Variants in UNC13C observed in about 807,000 individuals in gnomAD.
UNC13C encodes the protein unc-13 homolog C.
In UNC13C, 174 loss-of-function variants were observed where a neutral mutation model predicts 245.4. That is an observed-to-expected ratio of 0.71 (90% CI 0.63 to 0.80). The LOEUF (loss-of-function observed/expected upper bound fraction) is 0.80, where lower values mean the gene tolerates loss of function less well. Among genes scored for constraint, UNC13C ranks in the 30% least tolerant of loss-of-function variants. The pLI, the probability that UNC13C is intolerant of heterozygous loss-of-function variation, is 0.00. For synonymous variants in UNC13C, 992 were observed against 895.1 expected (o/e 1.11, Z -1.93); for missense variants, 2,829 against 2,602.9 (o/e 1.09, Z -1.89).
At chr15:54,312,903 TA>T (rs2140965853) in intron 13 of UNC13C, among the ~76,000 whole-genome samples, 1 of 151,954 alleles carries the variant, frequency 6.6e-6, no homozygotes, top group South Asian at 2.1e-4. Context: ...GCCAGCTGCC[TA>T]AAGTTAGAAA....
At chr15:53,943,255 A>G in the UNC13C span, among the ~76,000 whole-genome samples, 1 of 152,124 alleles carries the variant, frequency 6.6e-6, no homozygotes, top group Admixed American at 6.6e-5. Context: ...TGAACATGCA[A>G]TTCTATTTTA....
Position 54,533,009 on chromosome 15 carries a change from G to C in UNC13C, c.5639G>C (p.Ser1880Thr). 1.2e-6 allele frequency: 2 copies of C among 1,600,962 alleles called. No homozygotes were observed. Among genetic ancestry groups the C allele is most frequent in the Non-Finnish European group, 1.7e-6 (2 of 1,173,088 alleles). Reference sequence around the variant, plus strand: ...GGAAACACCACATCTAATAAGAACAGTGCAGCAATGGATGCAGAGATTGTG... The same window carrying C: ...GGAAACACCACATCTAATAAGAACACTGCAGCAATGGATGCAGAGATTGTG... ...ANGNTTSNKN[S>T]AAMDAEIVLR... The change falls in exon 26 of 33, where the codon AGT becomes ACT. Residue 1880 changes from serine to threonine, a missense_variant. Physicochemically the swap from Ser to Thr is moderately conservative, Grantham distance 58. Coordinates refer to ENST00000260323, the MANE Select transcript of UNC13C (RefSeq NM_001080534.3).
At chr15:54,128,166 T>C (rs192163789) in intron 2 of UNC13C, among the ~76,000 whole-genome samples, 205 of 152,130 alleles carry the variant, frequency 1.3e-3, no homozygotes, top group African/African-American at 4.7e-3. Context: ...CCATTTACAA[T>C]AGCCACAAAG....
At chr15:54,155,575 A>G (rs1169845139) in intron 4 of UNC13C, among the ~76,000 whole-genome samples, 3 of 35,306 alleles carry the variant, frequency 8.5e-5, no homozygotes, top group African/African-American at 2.6e-4. Context: ...ATCATTTCTT[A>G]TATTTACTTC....
intron 8 of UNC13C, among the ~76,000 whole-genome samples, chr15:54,250,749 C>CTTTTTTTTTTTTTTT (rs1296024773): frequency 2.3e-5 from 2 of 88,868 alleles, no homozygotes; most frequent in Non-Finnish European, 4.5e-5. Context: ...TTCTTTCTTT[C>CTTTTTTTTTTTTTTT]TTTTTTTTTT....
intron 24 of UNC13C, among the ~76,000 whole-genome samples, chr15:54,514,275 A>G (rs750908211): frequency 6.6e-5 from 10 of 152,224 alleles, no homozygotes; most frequent in Admixed American, 5.2e-4. Context: ...AACACTTGAT[A>G]CAGACATGTT....
At chr15:54,028,827 A>G (rs1016761289) in intron 2 of UNC13C, among the ~76,000 whole-genome samples, 5 of 151,258 alleles carry the variant, frequency 3.3e-5, no homozygotes, top group African/African-American at 1.2e-4. Context: ...AGTAGCTGGG[A>G]CTACAGGCGC....
the UNC13C span, among the ~76,000 whole-genome samples, chr15:53,963,510 A>T: frequency 6.6e-6 from 1 of 152,176 alleles, no homozygotes; most frequent in Admixed American, 6.5e-5. Flanking sequence ...TGTTGTTGAG[A>T]TACCCATATG....
chr15:54,135,784 C>CT (rs1249894863), intron 2 of UNC13C, among the ~76,000 whole-genome samples: 2 of 151,970 alleles, frequency 1.3e-5, no homozygotes, highest in Admixed American at 6.6e-5. Context: ...CTATTCAGGG[C>CT]TTTTTTATGA....
chr15:54,256,295 A>G (rs1190210330), intron 8 of UNC13C, among the ~76,000 whole-genome samples: 1 of 152,198 alleles, frequency 6.6e-6, no homozygotes, highest in African/African-American at 2.4e-5. Context: ...GCTAGAAAAC[A>G]GAGGTGTACT....
At chr15:54,321,060 G>T (rs77215967) in intron 13 of UNC13C, 12,841 of 473,752 alleles carry the variant, frequency 0.027, 317 homozygotes, top group Admixed American at 0.088. Context: ...CCCCGAAACC[G>T]CCTCCATGGC....
intron 10 of UNC13C, among the ~76,000 whole-genome samples, chr15:54,284,557 G>A (rs2037091201): frequency 6.6e-6 from 1 of 152,084 alleles, no homozygotes; most frequent in Admixed American, 6.5e-5. Context: ...CAGGGTTTGA[G>A]CTGGGAAAAT....
Position 54,202,843 on chromosome 15 carries a change from G to A in UNC13C, c.3072-32187G>A, listed in dbSNP as rs150031069. On this transcript the variant is annotated intron_variant, in intron 4 of 32. Coordinates refer to ENST00000260323, the MANE Select transcript of UNC13C (RefSeq NM_001080534.3). Reference sequence around the variant, plus strand: ...GGACTTAATTAAACTAAAAAGCATCGGCACAGCAAAAGAAATAAACAGCAG... The same window carrying A: ...GGACTTAATTAAACTAAAAAGCATCAGCACAGCAAAAGAAATAAACAGCAG... Among the ~76,000 whole-genome samples the A allele has an allele frequency of 3.2e-3, 481 of 151,698 alleles. 4 individuals are homozygous for A. Among genetic ancestry groups the A allele is most frequent in the African/African-American group, 0.011 (459 of 41,448 alleles).
At chr15:53,854,327 G>T in the UNC13C span, among the ~76,000 whole-genome samples, 1 of 151,594 alleles carries the variant, frequency 6.6e-6, no homozygotes, top group Non-Finnish European at 1.5e-5. Flanking sequence ...CACCATGTTG[G>T]TCAGGCTTGT....
chr15:54,507,196 TA>T lies in UNC13C; in HGVS notation c.5379+4del. On this transcript the variant is annotated splice_donor_region_variant and intron_variant, in intron 23 of 32. Coordinates refer to ENST00000260323, the MANE Select transcript of UNC13C (RefSeq NM_001080534.3). ...TCACATTGTGATAAGGAAAATGTGG[TA>T]AGTAAAAAATGTCTCTACTTTCAAG... is the stretch of plus-strand genomic sequence containing the variant. 6.4e-7 allele frequency: 1 copy of T among 1,574,490 alleles called. No homozygotes were observed. Among genetic ancestry groups the T allele is most frequent in the Admixed American group, 1.8e-5 (1 of 55,462 alleles).
chr15:54,464,281 A>G (rs1475549935), intron 19 of UNC13C, among the ~76,000 whole-genome samples: 1 of 152,146 alleles, frequency 6.6e-6, no homozygotes, highest in African/African-American at 2.4e-5. Context: ...TCCATTCATG[A>G]ACTTTGTCAG....
intron 2 of UNC13C, among the ~76,000 whole-genome samples, chr15:54,118,088 T>C (rs2141188283): frequency 6.6e-6 from 1 of 152,224 alleles, no homozygotes; most frequent in South Asian, 2.1e-4. Flanking sequence ...ATGTGATGCT[T>C]CAGCTTTTTC....
At chr15:54,616,212 C>T (rs971556712) in intron 30 of UNC13C, among the ~76,000 whole-genome samples, 1 of 151,970 alleles carries the variant, frequency 6.6e-6, no homozygotes, top group East Asian at 1.9e-4. Context: ...CTTTTTCAAT[C>T]AATCAGCAGT....
At chr15:54,056,714 G>T (rs1897544735) in intron 2 of UNC13C, among the ~76,000 whole-genome samples, 1 of 152,152 alleles carries the variant, frequency 6.6e-6, no homozygotes, top group Non-Finnish European at 1.5e-5. Context: ...CAGAGAGAAA[G>T]GTCGGGTTAC....
Sources: gnomAD v4.1 joint callset for allele counts (sites outside exome capture counted in the v4.1 genomes callset) on GRCh38, gnomAD v4.1.1 for gene constraint, MANE v1.5 for transcripts, NCBI Gene and HGNC (gene_info 2026-07-23, HGNC 2026-07-21) for gene names.